PPP6R1: variants seen among roughly 807,000 people sequenced by gnomAD.
PPP6R1 encodes protein phosphatase 6 regulatory subunit 1.
In PPP6R1, 39 loss-of-function variants were observed where a neutral mutation model predicts 104.6. The observed-to-expected ratio is 0.37, with a 90% CI of 0.29 to 0.49. PPP6R1 has a LOEUF of 0.49. Among genes scored for constraint, PPP6R1 ranks in the 20% least tolerant of loss-of-function variants. PPP6R1 has a pLI of 0.98. For synonymous variants in PPP6R1, 549 were observed against 479.0 expected (o/e 1.15, Z -1.91); for missense variants, 1,181 against 1,155.8 (o/e 1.02, Z -0.32).
chr19:55,253,300 C>T (rs1455029610), intron 1 of PPP6R1, among the ~76,000 whole-genome samples: 1 of 152,220 alleles, frequency 6.6e-6, no homozygotes, highest in African/African-American at 2.4e-5. Context: ...TCCAGTGTGC[C>T]CTGGTCTCTA....
At chr19:55,248,833 G>C (rs1307931078) in intron 1 of PPP6R1, among the ~76,000 whole-genome samples, 1 of 152,210 alleles carries the variant, frequency 6.6e-6, no homozygotes, top group Non-Finnish European at 1.5e-5. Context: ...CCTCAGGCAG[G>C]TCGAACGCCT....
In PPP6R1 at chr19:55,245,741, G is replaced by C; in HGVS notation, c.228-63C>G. ...GAGGCCGGGGGCAGGGGGCGGCAAGGCTCCACCCTCTTCTCTGCACCGGGC... is the reference window on the plus strand; with the variant it reads ...GAGGCCGGGGGCAGGGGGCGGCAAGCCTCCACCCTCTTCTCTGCACCGGGC... On this transcript the variant is annotated intron_variant, in intron 2 of 23. Transcript: ENST00000412770. The surrounding 1 kb of genome is among the most constrained non-coding windows in gnomAD (Gnocchi z 6.4). 1 of 1,345,454 alleles carries C rather than the reference G, an allele frequency of 7.4e-7. No homozygotes were observed. Among genetic ancestry groups the C allele is most frequent in the Admixed American group, 1.9e-5 (1 of 51,814 alleles). The allele number at this position is 1,345,454 out of a possible 1,614,324, so 83.3% of individuals were successfully genotyped here. A position where few individuals can be genotyped will look rare whatever the true frequency, so the allele number is the denominator to read the frequency against.
rs1205825643 is a variant in PPP6R1, at chr19:55,230,195, A to G, written c.*333T>C. ...CGGAACAGGGAAGGCTGTGCTTTGG[A>G]GCCGCCAGCCCAGTTCGGTGTCCTC... On this transcript the variant is annotated 3_prime_UTR_variant, in exon 24 of 24. Coordinates refer to ENST00000412770, the MANE Select transcript of PPP6R1 (RefSeq NM_014931.4). 2 of 318,754 alleles carry G rather than the reference A, an allele frequency of 6.3e-6. No individual in the cohort carries two copies. Among genetic ancestry groups the G allele is most frequent in the Admixed American group, 4.5e-5 (1 of 22,468 alleles). 19.7% of individuals were successfully genotyped at this position (318,754 alleles called of 1,614,324 possible). A position where few individuals can be genotyped will look rare whatever the true frequency, so the allele number is the denominator to read the frequency against.
At chr19:55,240,823 C>A (rs2122614832) in intron 10 of PPP6R1, 122 bp downstream of exon 10, 3 of 1,369,336 alleles carry the variant, frequency 2.2e-6, no homozygotes, top group Middle Eastern at 2.6e-4. Flanking sequence ...CATCTGGGCG[C>A]TGGCACCTAA....
At chr19:55,232,340 A>C in intron 17 of PPP6R1, 129 bp from the exon 18 acceptor site, 1 of 1,393,566 alleles carries the variant, frequency 7.2e-7, no homozygotes, top group Non-Finnish European at 9.4e-7. Context: ...AGAAGGGTCC[A>C]GGGAGCCTGG....
chr19:55,245,605 A>G lies in PPP6R1; in HGVS notation c.301T>C (p.Ser101Pro). ...QINDALGADE[S>P]LLNRLYGFLQ... ...AAGCCGTAGAGCCGGTTCAGAAGGG[A>G]CTCATCAGCACCCAGGGCATCATTG... is the stretch of plus-strand genomic sequence containing the variant. The change falls in exon 3 of 24, where the codon TCC becomes CCC. Residue 101 changes from serine to proline, a missense_variant. By Grantham distance (74) the Ser-to-Pro change is moderately conservative. This residue lies in a region of PPP6R1 where 139 missense variants were observed against 200.1 expected (regional missense o/e 0.69). Transcript: ENST00000412770. This position sits in a 1 kb window ranked among gnomAD's most constrained non-coding sequence, Gnocchi z 6.4. 6.2e-7 allele frequency: 1 copy of G among 1,611,964 alleles called. No individual in the cohort carries two copies.
At chr19:55,230,561 G>A in intron 23 of PPP6R1, 30 bp from the exon 24 acceptor site, 2 of 1,613,588 alleles carry the variant, frequency 1.2e-6, no homozygotes, top group Non-Finnish European at 1.7e-6. Flanking sequence ...TCGTGTGAGG[G>A]TCTAGCAGGC....
In PPP6R1 at chr19:55,236,829, G is replaced by A; in HGVS notation, c.1810-8C>T. 1.9e-6 allele frequency: 3 copies of A among 1,613,818 alleles called. No homozygotes were observed. Among genetic ancestry groups the A allele is most frequent in the Non-Finnish European group, 8.5e-7 (1 of 1,179,778 alleles). On this transcript the variant is annotated splice_region_variant and splice_polypyrimidine_tract_variant and intron_variant, in intron 16 of 23. Coordinates refer to ENST00000412770, the MANE Select transcript of PPP6R1 (RefSeq NM_014931.4). ...AAGTAGGTTGGCGTTGGGCTGCAGG[G>A]CACAGGGGTGGGAGGATGGGCCACA...
chr19:55,242,054 C>A, intron 7 of PPP6R1, 112 bp downstream of exon 7: 1 of 998,116 alleles, frequency 1.0e-6, no homozygotes. Flanking sequence ...AGCCACAGAG[C>A]AAGGTGCCAC....
Position 55,230,658 on chromosome 19 carries a change from A to T in PPP6R1, c.2597T>A (p.Ile866Lys). Residue 866 changes from isoleucine to lysine, a missense_variant, in exon 23 of 24, where the codon ATA becomes AAA. By Grantham distance (102) the Ile-to-Lys change is moderately radical. Around this residue, in one of 2 missense-constraint regions of PPP6R1, gnomAD observed 1,042 missense variants for 955.6 expected, o/e 1.09. Transcript: ENST00000412770. Reference sequence around the variant, plus strand: ...CCCTTCCGGGGCAGAGCCATTGGGTATCGGAGGAGGCGTGAGGGCCTGGGC... The same window carrying T: ...CCCTTCCGGGGCAGAGCCATTGGGTTTCGGAGGAGGCGTGAGGGCCTGGGC... ...QSAQALTPPP[I>K]PNGSAPEGPA... 1 of 1,607,780 alleles carries T rather than the reference A, an allele frequency of 6.2e-7. No homozygotes were observed.
chr19:55,249,905 TCCA>T (rs1379757449), intron 1 of PPP6R1, among the ~76,000 whole-genome samples: 1 of 151,506 alleles, frequency 6.6e-6, no homozygotes, highest in African/African-American at 2.4e-5. Flanking sequence ...TGATGTGCAC[TCCA>T]CCAAGCCTGC....
At position 55,230,631 on chromosome 19, in the gene PPP6R1, G is replaced by C. The variant is rs905133953; in HGVS notation, c.2624C>G (p.Pro875Arg). 1.2e-6 allele frequency: 2 copies of C among 1,611,392 alleles called. No individual in the cohort carries two copies. The highest frequency in any genetic ancestry group is 1.1e-5 in the South Asian group (1 of 90,752). Residue 875 changes from proline to arginine, a missense_variant, in exon 23 of 24, where the codon CCT becomes CGT. Pro to Arg is a moderately radical substitution (Grantham distance 103). Around this residue, in one of 2 missense-constraint regions of PPP6R1, gnomAD observed 1,042 missense variants for 955.6 expected, o/e 1.09. Transcript: ENST00000412770. ...PIPNGSAPEG[P>R]ASPGSQ ...CACTCACTGGGAGCCTGGGGATGCA[G>C]GCCCTTCCGGGGCAGAGCCATTGGG...
intron 5 of PPP6R1, 199 bp from the exon 6 acceptor site, chr19:55,242,687 G>C: frequency 1.7e-6 from 1 of 578,426 alleles, no homozygotes; most frequent in Non-Finnish European, 3.1e-6. Context: ...AAGCCCGGAA[G>C]GCTCCCCAGG....
chr19:55,234,185 G>A (rs1039630288), intron 17 of PPP6R1, among the ~76,000 whole-genome samples: 2 of 152,152 alleles, frequency 1.3e-5, no homozygotes, highest in African/African-American at 4.8e-5. Context: ...GACCTCAGGT[G>A]ATCCATCCAC....
chr19:55,255,175 T>C (rs2087583396), intron 1 of PPP6R1, among the ~76,000 whole-genome samples: 1 of 152,182 alleles, frequency 6.6e-6, no homozygotes, highest in Non-Finnish European at 1.5e-5. Context: ...CTAGCAGCCC[T>C]GGTCCAACCC....
At position 55,241,745 on chromosome 19, in the gene PPP6R1, G is replaced by T; in HGVS notation, c.846-106C>A. 7.6e-7 allele frequency: 1 copy of T among 1,322,226 alleles called. No homozygotes were observed. The highest frequency in any genetic ancestry group is 1.0e-6 in the Non-Finnish European group (1 of 983,394). 81.9% of individuals were successfully genotyped at this position (1,322,226 alleles called of 1,614,324 possible). A position where few individuals can be genotyped will look rare whatever the true frequency, so the allele number is the denominator to read the frequency against. On this transcript the variant is annotated intron_variant, in intron 7 of 23. Coordinates refer to ENST00000412770, the MANE Select transcript of PPP6R1 (RefSeq NM_014931.4). This position sits in a 1 kb window ranked among gnomAD's most constrained non-coding sequence, Gnocchi z 5.4. ...TGCAGGGTCTGGAGGAAAACGAGGAGCCACATGCCCCCAGCGCCGCTCTCT... is the reference window on the plus strand; with the variant it reads ...TGCAGGGTCTGGAGGAAAACGAGGATCCACATGCCCCCAGCGCCGCTCTCT...
Position 55,247,129 on chromosome 19 carries a change from C to A in PPP6R1, c.-6-20G>T. ...GGCGCCCTGCAGGCATAGACACAAC[C>A]AGCGCCGCGTCAGACGCCCCAGGGA... is the stretch of plus-strand genomic sequence containing the variant. On this transcript the variant is annotated intron_variant, in intron 1 of 23. Transcript: ENST00000412770. 6.2e-7 allele frequency: 1 copy of A among 1,606,854 alleles called. No homozygotes were observed. Among genetic ancestry groups the A allele is most frequent in the Non-Finnish European group, 8.5e-7 (1 of 1,177,242 alleles).
In PPP6R1 at chr19:55,237,053, C is replaced by G. The variant is rs537917020; in HGVS notation, c.1752-83G>C. The G allele has an allele frequency of 4.4e-6, 6 of 1,376,756 alleles. No homozygotes were observed. In the African/African-American group the frequency reaches 7.1e-5, roughly 16 times the overall value. The allele number at this position is 1,376,756 out of a possible 1,614,324, so 85.3% of individuals were successfully genotyped here. ...GACAGGCCACATTTCTTTCTTCACT[C>G]AACACAGAGCTGACCCTCATTACTT... On this transcript the variant is annotated intron_variant, in intron 15 of 23. Transcript: ENST00000412770.
intron 1 of PPP6R1, among the ~76,000 whole-genome samples, chr19:55,252,277 T>C (rs1427914736): frequency 6.6e-6 from 1 of 152,154 alleles, no homozygotes; most frequent in Admixed American, 6.5e-5. Context: ...TCACCCAGCC[T>C]GGAGTGCAGT....
Sources: allele counts gnomAD v4.1 joint callset (sites outside exome capture counted in the v4.1 genomes callset), GRCh38; gene constraint gnomAD v4.1.1; regional missense constraint gnomAD v4.1.1; non-coding constraint Gnocchi (gnomAD v3.1); transcripts MANE v1.5; gene names NCBI Gene and HGNC (gene_info 2026-07-23, HGNC 2026-07-21).